The following ME3 variants were observed in gnomAD, a reference collection of about 807,000 sequenced individuals.
The protein encoded by ME3 is NADP-dependent malic enzyme, mitochondrial.
A neutral mutation model predicts 68.9 loss-of-function variants in ME3; 48 were observed. That is an observed-to-expected ratio of 0.70 (90% CI 0.55 to 0.89). ME3 has a LOEUF of 0.89. Ranked by LOEUF, ME3 falls within the 40% of genes least tolerant of loss-of-function variation. The pLI is 0.00. For missense variants in ME3, 675 were observed against 797.4 expected, an observed-to-expected ratio of 0.85 and a Z score of 1.85; for synonymous variants, 320 against 318.8, an observed-to-expected ratio of 1.00 and a Z score of -0.04.
exon 4 of ME3, chr11:86,556,554 G>A (rs751802543): frequency 1.5e-5 from 25 of 1,613,118 alleles, no homozygotes; most frequent in East Asian, 2.2e-5. Flanking sequence ...GGGGCTCACC[G>A]GGGCCTGCGG....
chr11:86,501,175 T>TATAATAATAATAATA (rs5793199), intron 5 of ME3, among the ~76,000 whole-genome samples: 2,263 of 147,156 alleles, frequency 0.015, 18 homozygotes, highest in South Asian at 0.023. Context: ...ATAAAATGCA[T>TATAATAATAATAATA]ATAATAATAA....
intron 4 of ME3, among the ~76,000 whole-genome samples, chr11:86,526,990 C>G (rs930444089): frequency 9.9e-5 from 15 of 152,188 alleles, no homozygotes; most frequent in Non-Finnish European, 1.8e-4. Flanking sequence ...AGCTCCTCAC[C>G]AGCAATGGAA....
intron 4 of ME3, among the ~76,000 whole-genome samples, chr11:86,512,293 G>T (rs578111742): frequency 2.6e-5 from 4 of 152,160 alleles, no homozygotes; most frequent in African/African-American, 4.8e-5. Context: ...TCTCCTGTAT[G>T]CTCTCAAAGT....
intron 6 of ME3, among the ~76,000 whole-genome samples, chr11:86,488,959 T>C (rs191281298): frequency 6.6e-6 from 1 of 152,010 alleles, no homozygotes; most frequent in Non-Finnish European, 1.5e-5. Flanking sequence ...TAGGAAGAGA[T>C]AGGCAGATTT....
At position 86,532,090 on chromosome 11, in the gene ME3, G is replaced by T. The variant is rs555782138; in HGVS notation, c.468-23223C>A. ...AGGGTTAGTTATATCAGACAGAACA[G>T]TATAGATATTAAATCAAAAACTGTA... On this transcript the variant is annotated intron_variant, in intron 4 of 14. Coordinates refer to ENST00000543262, the Ensembl canonical transcript of ME3. Among the ~76,000 whole-genome samples the T allele has an allele frequency of 2.2e-3, 327 of 151,966 alleles. 1 individual carries two copies. Among genetic ancestry groups the T allele is most frequent in the African/African-American group, 7.8e-3 (323 of 41,474 alleles).
chr11:86,637,754 G>T (rs986625761), intron 2 of ME3, among the ~76,000 whole-genome samples: 1 of 152,110 alleles, frequency 6.6e-6, no homozygotes, highest in Non-Finnish European at 1.5e-5. Flanking sequence ...TCTGGTAGAG[G>T]TTGATGAAGA....
At chr11:86,485,309 T>C (rs916787511) in intron 7 of ME3, among the ~76,000 whole-genome samples, 1 of 152,224 alleles carries the variant, frequency 6.6e-6, no homozygotes, top group Admixed American at 6.5e-5. Context: ...TTCACTATCG[T>C]AGTTATTGCA....
At chr11:86,460,279 A>T (rs1356511287) in intron 8 of ME3, among the ~76,000 whole-genome samples, 3 of 152,226 alleles carry the variant, frequency 2.0e-5, no homozygotes, top group Non-Finnish European at 4.4e-5. Context: ...TGGGAGGCAG[A>T]GATGATGAGA....
At chr11:86,641,450 G>T (rs963834325) in intron 2 of ME3, among the ~76,000 whole-genome samples, 1 of 152,160 alleles carries the variant, frequency 6.6e-6, no homozygotes, top group African/African-American at 2.4e-5. Flanking sequence ...TCTATAAACC[G>T]TCAGCTAACT....
chr11:86,560,742 G>GTA (rs1201892920), intron 2 of ME3, among the ~76,000 whole-genome samples: 6 of 58,296 alleles, frequency 1.0e-4, no homozygotes, highest in Non-Finnish European at 2.3e-4. Flanking sequence ...GTGTGTGTGT[G>GTA]TGTGTGTATA....
Position 86,597,848 on chromosome 11 carries a change from T to C in ME3, c.184-38025A>G, listed in dbSNP as rs547117700. Among the ~76,000 whole-genome samples, 3 of 152,050 alleles carry C rather than the reference T, an allele frequency of 2.0e-5. No homozygotes were observed. The South Asian group carries it at 6.2e-4, about 32-fold the overall frequency. ...ATCAATCAAATACATTTAAGATACA[T>C]TAACCTTAAGGTTATCATATCTTAA... On this transcript the variant is annotated intron_variant, in intron 2 of 14. Transcript: ENST00000543262.
chr11:86,547,036 A>T (rs543122623), intron 4 of ME3, among the ~76,000 whole-genome samples: 11 of 152,042 alleles, frequency 7.2e-5, no homozygotes, highest in Non-Finnish European at 1.6e-4. Flanking sequence ...CAGGAGATTG[A>T]GACCATCCTG....
intron 2 of ME3, among the ~76,000 whole-genome samples, chr11:86,609,542 T>C (rs1236503623): frequency 6.6e-6 from 1 of 152,144 alleles, no homozygotes; most frequent in Non-Finnish European, 1.5e-5. Context: ...GAGCTTACAA[T>C]CTGCTATGAA....
intron 10 of ME3, among the ~76,000 whole-genome samples, chr11:86,449,168 A>C (rs115672445): frequency 3.0e-4 from 46 of 152,288 alleles, no homozygotes; most frequent in African/African-American, 8.4e-4. Flanking sequence ...TCTCTGCCAT[A>C]ATTTTTCATC....
chr11:86,614,349 A>G (rs1942805470), intron 2 of ME3, among the ~76,000 whole-genome samples: 1 of 152,228 alleles, frequency 6.6e-6, no homozygotes, highest in Non-Finnish European at 1.5e-5. Flanking sequence ...TGTAGAAATT[A>G]TAAACTCATT....
At chr11:86,437,714 CAGT>C (rs1223723084), downstream of ME3, among the ~76,000 whole-genome samples, 1 of 152,018 alleles carries the variant, frequency 6.6e-6, no homozygotes, top group African/African-American at 2.4e-5. Flanking sequence ...CTTTTTGATG[CAGT>C]TGTAAATGAA....
intron 6 of ME3, among the ~76,000 whole-genome samples, chr11:86,492,494 T>G (rs1952065323): frequency 6.6e-6 from 1 of 152,206 alleles, no homozygotes; most frequent in South Asian, 2.1e-4. Context: ...CTTCCCAGGG[T>G]GGGGACCAGG....
intron 8 of ME3, among the ~76,000 whole-genome samples, chr11:86,462,869 T>C (rs947938404): frequency 6.6e-6 from 1 of 152,080 alleles, no homozygotes; most frequent in Non-Finnish European, 1.5e-5. Flanking sequence ...CAGGAGACCC[T>C]GGAGCTGGGT....
chr11:86,545,525 TAAAC>T (rs1399929486), intron 4 of ME3, among the ~76,000 whole-genome samples: 3 of 151,814 alleles, frequency 2.0e-5, no homozygotes, highest in South Asian at 4.2e-4. Context: ...ATACCAATAA[TAAAC>T]AAACAGGCAA....
Sources: allele counts gnomAD v4.1 joint callset (sites outside exome capture counted in the v4.1 genomes callset), GRCh38; gene constraint gnomAD v4.1.1; transcripts MANE v1.5; gene names NCBI Gene and HGNC (gene_info 2026-07-23, HGNC 2026-07-21).